Variants in SFI1 observed in about 807,000 individuals in gnomAD.
The protein encoded by SFI1 is protein SFI1 homolog.
SFI1 carries 195 observed loss-of-function variants against 207.5 expected under a neutral mutation model. The ratio of observed to expected loss-of-function variants is 0.94; its 90% CI spans 0.84 to 1.06. The LOEUF is 1.06. Ranked by LOEUF, SFI1 falls within the 50% of genes least tolerant of loss-of-function variation. SFI1 has a pLI of 0.00. For synonymous variants in SFI1, 630 were observed against 598.9 expected, an observed-to-expected ratio of 1.05 and a Z score of -0.76; for missense variants, 1,634 against 1,588.0, an observed-to-expected ratio of 1.03 and a Z score of -0.49.
At chr22:31,529,127 A>G (rs943238012) in intron 3 of SFI1, 2 of 376,994 alleles carry the variant, frequency 5.3e-6, no homozygotes, top group Admixed American at 8.2e-5. Flanking sequence ...ACGTGGTCCA[A>G]GAAAGAAGGA....
At chr22:31,545,574 A>ATTTAATTTT (rs1555983934) in intron 4 of SFI1, among the ~76,000 whole-genome samples, 10 of 131,026 alleles carry the variant, frequency 7.6e-5, no homozygotes, top group African/African-American at 3.0e-4. Flanking sequence ...AATTTAATTT[A>ATTTAATTTT]ATTTAATTTA....
intron 1 of SFI1, among the ~76,000 whole-genome samples, chr22:31,502,917 C>G (rs547824027): frequency 6.6e-6 from 1 of 151,932 alleles, no homozygotes; most frequent in Admixed American, 6.6e-5. Flanking sequence ...AATTCAAGAC[C>G]AGTCTAGCTT....
At chr22:31,536,656 A>G (rs1375230494) in intron 4 of SFI1, among the ~76,000 whole-genome samples, 2 of 152,052 alleles carry the variant, frequency 1.3e-5, no homozygotes, top group East Asian at 1.9e-4. Flanking sequence ...CAAGTGATCC[A>G]CCTGCCTTGG....
intron 4 of SFI1, among the ~76,000 whole-genome samples, chr22:31,542,606 C>T (rs892363483): frequency 3.9e-5 from 6 of 151,996 alleles, no homozygotes; most frequent in South Asian, 2.1e-4. Flanking sequence ...CTAGACTGGA[C>T]GACAAGAGGG....
chr22:31,611,815 C>T lies in SFI1; in HGVS notation c.2465C>T (p.Thr822Ile), dbSNP rs752208935. 5.6e-6 allele frequency: 9 copies of T among 1,613,988 alleles called. No homozygotes were observed. Among genetic ancestry groups the T allele is most frequent in the East Asian group, 2.2e-5 (1 of 44,886 alleles). Residue 822 changes from threonine to isoleucine, a missense_variant, in exon 24 of 33, where the codon ACC (threonine) becomes ATC (isoleucine). By Grantham distance (89) the Thr-to-Ile change is moderately conservative. Coordinates refer to ENST00000400288, the MANE Select transcript of SFI1 (RefSeq NM_001007467.3). The stretch of plus-strand genomic sequence containing the variant: ...CTGCTGGCACAGAGACTCAGCCGGA[C>T]CTGCTTCCGCCAGTGGAGACAACAG... ...TQLLAQRLSRTCFRQWRQQLA... is the reference protein window; with the variant it reads ...TQLLAQRLSRICFRQWRQQLA...
chr22:31,556,245 C>T (rs1215155290), intron 6 of SFI1, among the ~76,000 whole-genome samples: 3 of 143,776 alleles, frequency 2.1e-5, no homozygotes, highest in African/African-American at 5.2e-5. Flanking sequence ...TTTTTTGAGA[C>T]GGAGTCTTGC....
At chr22:31,502,090 T>TA (rs1328628253) in intron 1 of SFI1, among the ~76,000 whole-genome samples, 8 of 152,222 alleles carry the variant, frequency 5.3e-5, no homozygotes, top group Non-Finnish European at 7.3e-5. Flanking sequence ...ATAATTATCT[T>TA]ACTTGTTCTT....
intron 6 of SFI1, 188 bp downstream of exon 6, chr22:31,550,536 T>C: frequency 1.9e-6 from 1 of 538,076 alleles, no homozygotes. Flanking sequence ...ATCCCTATGG[T>C]TTTCTCCATA....
chr22:31,582,550 C>A (rs1321905607), intron 12 of SFI1, among the ~76,000 whole-genome samples: 1 of 151,870 alleles, frequency 6.6e-6, no homozygotes, highest in Non-Finnish European at 1.5e-5. Context: ...CGACACCCGG[C>A]CTATTATATT....
chr22:31,509,175 C>T (rs1415498826), intron 2 of SFI1, among the ~76,000 whole-genome samples: 1 of 151,970 alleles, frequency 6.6e-6, no homozygotes, highest in Non-Finnish European at 1.5e-5. Context: ...TTGTGTTAGT[C>T]AGGGTCCTCT....
chr22:31,606,420 T>C lies in SFI1; in HGVS notation c.2147T>C (p.Ile716Thr). 6.2e-7 allele frequency: 1 copy of C among 1,613,540 alleles called. No individual in the cohort carries two copies. Among genetic ancestry groups the C allele is most frequent in the Non-Finnish European group, 8.5e-7 (1 of 1,179,914 alleles). The change falls in exon 21 of 33, where the codon ATA (isoleucine) becomes ACA (threonine). Residue 716 changes from isoleucine (I) to threonine (T), a missense_variant. Coordinates refer to ENST00000400288, the MANE Select transcript of SFI1 (RefSeq NM_001007467.3). Reference sequence around the variant, plus strand: ...GCAAGTACTCATTACAGAAGGACCATATGTTCCAAGGTGAGGTATAAGGAG... The same window carrying C: ...GCAAGTACTCATTACAGAAGGACCACATGTTCCAAGGTGAGGTATAAGGAG... ...FQASTHYRRTICSKVLVQWRE... is the reference protein window; with the variant it reads ...FQASTHYRRTTCSKVLVQWRE...
chr22:31,607,317 T>G (rs2069202420), intron 21 of SFI1, among the ~76,000 whole-genome samples: 1 of 152,088 alleles, frequency 6.6e-6, no homozygotes. Flanking sequence ...TAAATAGTAA[T>G]AGAGGCCGGG....
chr22:31,607,860 C>T, intron 21 of SFI1, 77 bp from the exon 22 acceptor site: 1 of 1,329,462 alleles, frequency 7.5e-7, no homozygotes, highest in Non-Finnish European at 1.1e-6. Context: ...TCTCCAGGAG[C>T]CACCGTCACA....
At chr22:31,529,571 A>G (rs2058268804) in intron 3 of SFI1, among the ~76,000 whole-genome samples, 1 of 151,448 alleles carries the variant, frequency 6.6e-6, no homozygotes, top group Admixed American at 6.6e-5. Flanking sequence ...GCCAGGTGTT[A>G]CGCTAGATGC....
rs2067148954 is a variant in SFI1 at position 31,596,609 on chromosome 22, GGC to G, written c.1545-5602_1545-5601del. ...AGTTGGAGACCAGTCTGACCAACAT[GGC>G]AAAACCCCATCTCTACTAAAAATAC... On this transcript the variant is annotated intron_variant, in intron 15 of 32. Transcript: ENST00000400288. Among the ~76,000 whole-genome samples the G allele has an allele frequency of 4.6e-5, 7 of 151,990 alleles. No individual in the cohort carries two copies. In the South Asian group the frequency reaches 1.5e-3, roughly 32 times the overall value.
At chr22:31,580,483 T>C (rs1787017953) in intron 12 of SFI1, 119 bp downstream of exon 12, 1 of 706,078 alleles carries the variant, frequency 1.4e-6, no homozygotes, top group African/African-American at 1.8e-5. Flanking sequence ...TGCTTCAAGA[T>C]TTGTCCAGAC....
intron 1 of SFI1, among the ~76,000 whole-genome samples, chr22:31,503,234 T>C (rs915647341): frequency 2.5e-4 from 38 of 152,054 alleles, no homozygotes; most frequent in African/African-American, 8.5e-4. Context: ...TTTATTGTTT[T>C]CTGAGAAGAC....
At chr22:31,502,459 C>T (rs1601794929) in intron 1 of SFI1, among the ~76,000 whole-genome samples, 2 of 151,978 alleles carry the variant, frequency 1.3e-5, no homozygotes, top group South Asian at 4.2e-4. Context: ...CTGCAGCCTC[C>T]ACCTCCTGGG....
intron 2 of SFI1, among the ~76,000 whole-genome samples, chr22:31,522,481 T>TG (rs796279383): frequency 2.0e-5 from 3 of 152,350 alleles, no homozygotes; most frequent in African/African-American, 7.2e-5. Flanking sequence ...ATTCATTAAA[T>TG]GGTATCTCCT....
Sources: allele counts gnomAD v4.1 joint callset (sites outside exome capture counted in the v4.1 genomes callset), GRCh38; gene constraint gnomAD v4.1.1; transcripts MANE v1.5; gene names NCBI Gene and HGNC (gene_info 2026-07-23, HGNC 2026-07-21).